PBX3: variants seen among roughly 807,000 people sequenced by gnomAD.
PBX3 encodes the protein PBX homeobox 3, also known as pre-B-cell leukemia transcription factor 3.
Under a neutral mutation model 48.5 loss-of-function variants are expected in PBX3, and 14 were observed. The observed-to-expected ratio is 0.29, with a 90% CI of 0.19 to 0.45. PBX3 has a LOEUF of 0.45. Among genes scored for constraint, PBX3 ranks in the 20% least tolerant of loss-of-function variants. The pLI, the probability that PBX3 is intolerant of heterozygous loss-of-function variation, is 1.00. For missense variants in PBX3, 386 were observed against 546.7 expected, an observed-to-expected ratio of 0.71 and a Z score of 2.93; for synonymous variants, 210 against 200.3, an observed-to-expected ratio of 1.05 and a Z score of -0.41.
At chr9:125,948,107 G>A (rs1023408121) in intron 5 of PBX3, among the ~76,000 whole-genome samples, 14 of 152,200 alleles carry the variant, frequency 9.2e-5, no homozygotes, top group Non-Finnish European at 2.1e-4. Flanking sequence ...CATTCCCAGA[G>A]GTTCTGATTC....
intron 2 of PBX3, among the ~76,000 whole-genome samples, chr9:125,850,041 C>G: frequency 6.6e-6 from 1 of 151,960 alleles, no homozygotes; most frequent in East Asian, 1.9e-4. Flanking sequence ...CATTAACTCA[C>G]TTTTTAAAAA....
In PBX3 at chr9:125,791,305, A is replaced by G. The variant is rs201747266; in HGVS notation, c.274+42682A>G. ...TATCTGTCTGTCTGTCTGTCTGTCT[A>G]TCTATCTATCTATCTATCTATCTAT... On this transcript the variant is annotated intron_variant, in intron 2 of 8. Transcript: ENST00000373489. Among the ~76,000 whole-genome samples, 576 of 107,834 alleles carry G rather than the reference A, an allele frequency of 5.3e-3. 6 individuals are homozygous for G. Among genetic ancestry groups the G allele is most frequent in the East Asian group, 0.019 (51 of 2,632 alleles). The allele number at this position is 107,834 out of a possible 152,430, so 70.7% of individuals were successfully genotyped here.
At chr9:125,824,188 G>A (rs1838741124) in intron 2 of PBX3, among the ~76,000 whole-genome samples, 2 of 152,160 alleles carry the variant, frequency 1.3e-5, no homozygotes, top group Non-Finnish European at 1.5e-5. Context: ...TATCAATAAA[G>A]GATGAAACAT....
chr9:125,870,824 G>A (rs1193772962), intron 2 of PBX3, among the ~76,000 whole-genome samples: 1 of 152,030 alleles, frequency 6.6e-6, no homozygotes, highest in African/African-American at 2.4e-5. Flanking sequence ...AAAACCACAG[G>A]GAGACATTGT....
chr9:125,873,767 C>T (rs1371488625), intron 2 of PBX3, among the ~76,000 whole-genome samples: 2 of 151,748 alleles, frequency 1.3e-5, no homozygotes, highest in Non-Finnish European at 2.9e-5. Context: ...TAGCTAAAAT[C>T]CAATAGAACC....
At chr9:125,861,300 AAAT>A (rs368338583) in intron 2 of PBX3, among the ~76,000 whole-genome samples, 3,347 of 140,338 alleles carry the variant, frequency 0.024, 110 homozygotes, top group African/African-American at 0.076. Flanking sequence ...CCCTGTCTCC[AAAT>A]AATAATAATA....
chr9:125,835,938 T>G (rs1239610816), intron 2 of PBX3, among the ~76,000 whole-genome samples: 1 of 152,212 alleles, frequency 6.6e-6, no homozygotes, highest in African/African-American at 2.4e-5. Context: ...AGATATAGAA[T>G]CAGCCTTAGT....
chr9:125,826,226 A>G (rs773150039), intron 2 of PBX3, among the ~76,000 whole-genome samples: 5 of 152,188 alleles, frequency 3.3e-5, no homozygotes, highest in Non-Finnish European at 5.9e-5. Flanking sequence ...TCATGGCTCA[A>G]TTATTTTACA....
chr9:125,898,454 A>AAT (rs1554725703), intron 2 of PBX3, among the ~76,000 whole-genome samples: 22 of 151,084 alleles, frequency 1.5e-4, no homozygotes, highest in Admixed American at 4.6e-4. Flanking sequence ...CTTCTGAAAA[A>AAT]AAAAAATAAA....
chr9:125,854,219 C>T (rs1343167257), intron 2 of PBX3, among the ~76,000 whole-genome samples: 10 of 152,082 alleles, frequency 6.6e-5, no homozygotes, highest in South Asian at 2.1e-4. Flanking sequence ...GCACCCCCAA[C>T]CTCCTAGGCT....
chr9:125,784,601 CAT>C (rs890613932), intron 2 of PBX3, among the ~76,000 whole-genome samples: 5 of 152,050 alleles, frequency 3.3e-5, no homozygotes, highest in South Asian at 2.1e-4. Context: ...TGATGTTTGT[CAT>C]GTGTGGTTTC....
intron 2 of PBX3, among the ~76,000 whole-genome samples, chr9:125,914,139 G>T (rs191176120): frequency 6.6e-6 from 1 of 152,188 alleles, no homozygotes; most frequent in African/African-American, 2.4e-5. Context: ...CAGCAAATAC[G>T]TTTGCCTATT....
At chr9:125,962,068 C>G (rs749314294) in intron 6 of PBX3, 34 bp from the exon 7 acceptor site, 3 of 1,063,962 alleles carry the variant, frequency 2.8e-6, no homozygotes, top group Non-Finnish European at 1.5e-6. Flanking sequence ...GTGTAGCTCT[C>G]TGTTATTCAG....
At chr9:125,949,255 G>A (rs1842136407) in intron 5 of PBX3, 1 of 1,235,644 alleles carries the variant, frequency 8.1e-7, no homozygotes, top group Non-Finnish European at 1.1e-6. Flanking sequence ...ATTTGCTCAG[G>A]GGATTCAGGG....
chr9:125,956,995 A>C (rs1842324195), intron 5 of PBX3, among the ~76,000 whole-genome samples: 1 of 151,938 alleles, frequency 6.6e-6, no homozygotes, highest in Non-Finnish European at 1.5e-5. Context: ...TTTGCAACTA[A>C]TTATATCCAT....
intron 2 of PBX3, among the ~76,000 whole-genome samples, chr9:125,784,830 A>T (rs1837418456): frequency 9.3e-6 from 1 of 107,564 alleles, no homozygotes; most frequent in Non-Finnish European, 2.3e-5. Context: ...ACTGTGCCTT[A>T]GTTTTTACTT....
intron 2 of PBX3, among the ~76,000 whole-genome samples, chr9:125,828,283 A>G (rs573523512): frequency 6.6e-6 from 1 of 152,200 alleles, no homozygotes; most frequent in Non-Finnish European, 1.5e-5. Flanking sequence ...TACTGCCTAG[A>G]CAAATTTTCC....
chr9:125,819,247 G>C (rs1419037635), intron 2 of PBX3, among the ~76,000 whole-genome samples: 1 of 151,692 alleles, frequency 6.6e-6, no homozygotes, highest in Non-Finnish European at 1.5e-5. Flanking sequence ...AAATTTTCAA[G>C]GCCAGGCGGG....
chr9:125,915,819 G>T lies in PBX3; in HGVS notation c.408G>T (p.Ala136=). 1 of 1,613,992 alleles carries T rather than the reference G, an allele frequency of 6.2e-7. No individual in the cohort carries two copies. Among genetic ancestry groups the T allele is most frequent in the Non-Finnish European group, 8.5e-7 (1 of 1,179,984 alleles). ...GATCGGCGGCAGCAGCTGCAGCCGCGGCAGCCTCTGGAGGTTCTTCAGATA... is the reference window on the plus strand; with the variant it reads ...GATCGGCGGCAGCAGCTGCAGCCGCTGCAGCCTCTGGAGGTTCTTCAGATA... ...GGGSAAAAAA[A]AASGGSSDNS... The change falls in exon 3 of 9, where the codon GCG becomes GCT. Residue 136 remains alanine (A), a synonymous_variant. Coordinates refer to ENST00000373489, the MANE Select transcript of PBX3 (RefSeq NM_006195.6).
Sources: allele counts gnomAD v4.1 joint callset (sites outside exome capture counted in the v4.1 genomes callset), GRCh38; gene constraint gnomAD v4.1.1; transcripts MANE v1.5; gene names NCBI Gene and HGNC (gene_info 2026-07-23, HGNC 2026-07-21).